PKHD1: variants seen among roughly 807,000 people sequenced by gnomAD.
PKHD1 encodes fibrocystin.
Under a neutral mutation model 412.0 loss-of-function variants are expected in PKHD1, and 291 were observed. The ratio of observed to expected loss-of-function variants is 0.71; its 90% CI spans 0.64 to 0.78. PKHD1 has a LOEUF of 0.78. Among genes scored for constraint, PKHD1 ranks in the 30% least tolerant of loss-of-function variants. PKHD1 has a pLI of 0.00. For synonymous variants in PKHD1, 1,777 were observed against 1,821.5 expected, an observed-to-expected ratio of 0.98 and a Z score of 0.62; for missense variants, 4,825 against 4,950.7, an observed-to-expected ratio of 0.97 and a Z score of 0.76.
At chr6:51,947,998 A>G (rs1402186092) in intron 36 of PKHD1, among the ~76,000 whole-genome samples, 1 of 152,150 alleles carries the variant, frequency 6.6e-6, no homozygotes, top group Non-Finnish European at 1.5e-5. Context: ...TCACAGAGTT[A>G]ACTTTCACTG....
rs1325867799 is a variant in PKHD1, at chr6:51,989,965, A to G, written c.5751+20344T>C. 6.1e-3 allele frequency among the ~76,000 whole-genome samples: 479 copies of G among 78,574 alleles called. 8 individuals carry two copies. Among genetic ancestry groups the G allele is most frequent in the Non-Finnish European group, 0.01 (360 of 35,418 alleles). The allele number at this position is 78,574 out of a possible 152,430, so 51.5% of individuals were successfully genotyped here. A position where few individuals can be genotyped will look rare whatever the true frequency, so the allele number is the denominator to read the frequency against. ...GAAGGAAGAAAGGAAGGAAAGAAGG[A>G]AGGAAGGAAGGAAGGAAGGGAGAGA... On this transcript the variant is annotated intron_variant, in intron 35 of 66. Transcript: ENST00000371117.
At chr6:51,780,020 C>A (rs1309082636) in intron 53 of PKHD1, among the ~76,000 whole-genome samples, 1 of 147,760 alleles carries the variant, frequency 6.8e-6, no homozygotes, top group Non-Finnish European at 1.5e-5. Flanking sequence ...TCAAAATTTA[C>A]AATTCATAAT....
chr6:51,898,390 T>G (rs1398056066), intron 43 of PKHD1, among the ~76,000 whole-genome samples: 1 of 148,876 alleles, frequency 6.7e-6, no homozygotes, highest in Non-Finnish European at 1.5e-5. Context: ...ACATGGAAAC[T>G]GAACAACCTG....
At chr6:51,960,601 C>T (rs1791873333) in intron 35 of PKHD1, among the ~76,000 whole-genome samples, 1 of 152,264 alleles carries the variant, frequency 6.6e-6, no homozygotes, top group East Asian at 1.9e-4. Context: ...ATCTATCCTC[C>T]CACTCGGCCT....
At chr6:51,896,658 G>T (rs1476518626) in intron 43 of PKHD1, among the ~76,000 whole-genome samples, 1 of 152,188 alleles carries the variant, frequency 6.6e-6, no homozygotes, top group Non-Finnish European at 1.5e-5. Context: ...AACAAAGCTG[G>T]ACGGAGAATG....
chr6:51,937,072 C>T (rs1787620504), intron 36 of PKHD1, among the ~76,000 whole-genome samples: 1 of 152,172 alleles, frequency 6.6e-6, no homozygotes, highest in Admixed American at 6.5e-5. Flanking sequence ...TACCTGGAGG[C>T]TTCATCTGCA....
chr6:51,956,924 G>T (rs1420208259), intron 36 of PKHD1, among the ~76,000 whole-genome samples: 1 of 152,050 alleles, frequency 6.6e-6, no homozygotes, highest in Admixed American at 6.6e-5. Context: ...CCAGTGATTT[G>T]ATTCCCAGTG....
chr6:51,895,899 G>T (rs377018815), intron 43 of PKHD1, among the ~76,000 whole-genome samples: 11 of 152,096 alleles, frequency 7.2e-5, no homozygotes, highest in African/African-American at 1.2e-4. Context: ...TCAAACAAAG[G>T]GGTGATGGAC....
intron 37 of PKHD1, among the ~76,000 whole-genome samples, chr6:51,916,804 G>A (rs1442241355): frequency 6.6e-6 from 1 of 151,986 alleles, no homozygotes; most frequent in Non-Finnish European, 1.5e-5. Context: ...AATAATTTAT[G>A]AATATGCTAA....
intron 60 of PKHD1, among the ~76,000 whole-genome samples, chr6:51,701,983 A>G (rs1329589691): frequency 6.6e-6 from 1 of 151,082 alleles, no homozygotes; most frequent in East Asian, 1.9e-4. Flanking sequence ...AAATTTGTGG[A>G]AGTAATTACT....
rs145262200 is a variant in PKHD1, at chr6:52,080,595, C to G, written c.282-587G>C. Among the ~76,000 whole-genome samples the G allele has an allele frequency of 2.9e-3, 439 of 152,282 alleles. 1 individual carries two copies. The highest frequency in any genetic ancestry group is 9.9e-3 in the African/African-American group (411 of 41,562). The stretch of plus-strand genomic sequence containing the variant: ...AGAAAGAAACCATATTTAAGACATG[C>G]CTCCTCTCCAAACCTTCCCAACAAA... On this transcript the variant is annotated intron_variant, in intron 4 of 66. Coordinates refer to ENST00000371117, the MANE Select transcript of PKHD1 (RefSeq NM_138694.4).
chr6:52,070,490 T>A lies in PKHD1; in HGVS notation c.668-45A>T, dbSNP rs1226706161. 4 of 1,458,880 alleles carry A rather than the reference T, an allele frequency of 2.7e-6. No homozygotes were observed. The African/African-American group carries it at 5.6e-5, about 20-fold the overall frequency. The allele number at this position is 1,458,880 out of a possible 1,614,324, so 90.4% of individuals were successfully genotyped here. On this transcript the variant is annotated intron_variant, in intron 9 of 66. Coordinates refer to ENST00000371117, the MANE Select transcript of PKHD1 (RefSeq NM_138694.4). ...ACATTAACTCAGGAATCTGCACGAG[T>A]CTTCTGGGCCAGGCCATTGCTTTCA... is the stretch of plus-strand genomic sequence containing the variant.
chr6:51,755,443 C>CTG (rs1235371193), intron 55 of PKHD1, among the ~76,000 whole-genome samples: 1 of 152,148 alleles, frequency 6.6e-6, no homozygotes, highest in Non-Finnish European at 1.5e-5. Flanking sequence ...CACTTACCAG[C>CTG]TGTGTGACCT....
intron 35 of PKHD1, among the ~76,000 whole-genome samples, chr6:51,962,744 C>T (rs1792256674): frequency 6.6e-6 from 1 of 152,060 alleles, no homozygotes; most frequent in Non-Finnish European, 1.5e-5. Context: ...TGGCTCACTC[C>T]CTTACTTAAT....
intron 52 of PKHD1, among the ~76,000 whole-genome samples, chr6:51,822,354 C>CT (rs1402839288): frequency 6.6e-6 from 1 of 152,124 alleles, no homozygotes; most frequent in Admixed American, 6.5e-5. Context: ...TACCATCCTC[C>CT]TTGTCCTCCT....
intron 52 of PKHD1, among the ~76,000 whole-genome samples, chr6:51,830,521 C>A (rs1768058798): frequency 6.6e-6 from 1 of 152,152 alleles, no homozygotes; most frequent in Non-Finnish European, 1.5e-5. Flanking sequence ...GTCTTCCATA[C>A]CCTCTGTGTC....
intron 53 of PKHD1, among the ~76,000 whole-genome samples, chr6:51,780,030 TAA>T (rs111903957): frequency 6.6e-6 from 1 of 151,934 alleles, no homozygotes; most frequent in African/African-American, 2.4e-5. Context: ...CAATTCATAA[TAA>T]AAAAATTTCA....
chr6:51,659,265 TGC>T lies in PKHD1; in HGVS notation c.10859_10860del (p.Arg3620GlnfsTer9), dbSNP rs1562040783. 6.2e-7 allele frequency: 1 copy of T among 1,613,834 alleles called. No individual in the cohort carries two copies. Among genetic ancestry groups the T allele is most frequent in the Admixed American group, 1.7e-5 (1 of 59,910 alleles). ...AIADSRAKRK[R>X]NCPTVTCTSH... ...CTAGTGCAAGTCACAGTAGGGCAATTGCGCTTTCTTTTTGCTCTACTGTCAGC... is the reference window on the plus strand; with the variant it reads ...CTAGTGCAAGTCACAGTAGGGCAATTGCTTTCTTTTTGCTCTACTGTCAGC... On this transcript the variant is annotated frameshift_variant, in exon 61 of 67. Transcript: ENST00000371117. LOFTEE classifies it high-confidence loss of function.
chr6:51,861,972 A>G (rs1206178130), intron 48 of PKHD1, among the ~76,000 whole-genome samples: 1 of 152,204 alleles, frequency 6.6e-6, no homozygotes, highest in East Asian at 1.9e-4. Flanking sequence ...ACACGAGAAC[A>G]CTGTTATTGA....
Sources: gnomAD v4.1 joint callset for allele counts (sites outside exome capture counted in the v4.1 genomes callset) on GRCh38, gnomAD v4.1.1 for gene constraint, MANE v1.5 for transcripts, NCBI Gene and HGNC (gene_info 2026-07-23, HGNC 2026-07-21) for gene names.